The following PAX4 variants were observed in gnomAD, a reference collection of about 807,000 sequenced individuals.
PAX4 encodes paired box 4.
Under a neutral mutation model 40.6 loss-of-function variants are expected in PAX4, and 33 were observed. That is an observed-to-expected ratio of 0.81 (90% CI 0.62 to 1.09). The LOEUF is 1.09. Among genes scored for constraint, PAX4 ranks in the 50% least tolerant of loss-of-function variants. The probability of loss-of-function intolerance (pLI) is 0.00; values close to 1 mark genes in which losing one functional copy is unlikely to be tolerated. For missense variants in PAX4, 459 were observed against 442.5 expected (o/e 1.04, Z -0.33); for synonymous variants, 174 against 170.6 (o/e 1.02, Z -0.16).
Position 127,614,494 on chromosome 7 carries a change from GC to G in PAX4, c.423del (p.Leu142SerfsTer73). The G allele has an allele frequency of 1.3e-6, 2 of 1,595,694 alleles. No individual in the cohort carries two copies. The highest frequency in any genetic ancestry group is 8.5e-7 in the Non-Finnish European group (1 of 1,170,538). On this transcript the variant is annotated frameshift_variant, in exon 6 of 12. Transcript: ENST00000639438. LOFTEE classifies it high-confidence loss of function. ...LQEDQGLPCT[R>X]LRSPAVLAPA... ...CTCCAAGACCCACCTGGTGACCTGAGCCGTGTGCACGGTAGTCCCTGGTCCT... is the reference window on the plus strand; with the variant it reads ...CTCCAAGACCCACCTGGTGACCTGAGCGTGTGCACGGTAGTCCCTGGTCCT...
chr7:127,610,789 G>T lies in PAX4; in HGVS notation c.*275C>A. ...GGGGTGCTCATAGGGAAAACATGAT[G>T]GACAACAGAACTACTGCTAATAAAA... On this transcript the variant is annotated 3_prime_UTR_variant, in exon 12 of 12. Coordinates refer to ENST00000639438, the MANE Select transcript of PAX4 (RefSeq NM_001366110.1). 1 of 1,282,276 alleles carries T rather than the reference G, an allele frequency of 7.8e-7. No individual in the cohort carries two copies. Among genetic ancestry groups the T allele is most frequent in the Non-Finnish European group, 1.1e-6 (1 of 916,830 alleles). 79.4% of individuals were successfully genotyped at this position (1,282,276 alleles called of 1,614,324 possible).
In PAX4 at chr7:127,618,011, G is replaced by C. The variant is rs1410243274; in HGVS notation, c.-275C>G. On this transcript the variant is annotated 5_prime_UTR_variant, in exon 1 of 12. Coordinates refer to ENST00000639438, the MANE Select transcript of PAX4 (RefSeq NM_001366110.1). ...GCTTCAGTGGGAGGTCTCAGCTTCT[G>C]AGACCCCTGCAGGCTCCAGGGGTGG... 1 of 152,282 alleles carries C rather than the reference G, an allele frequency of 6.6e-6. No homozygotes were observed. Among genetic ancestry groups the C allele is most frequent in the Admixed American group, 6.5e-5 (1 of 15,270 alleles). 9.4% of individuals were successfully genotyped at this position (152,282 alleles called of 1,614,324 possible).
intron 3 of PAX4, 29 bp from the exon 4 acceptor site, chr7:127,615,560 C>A: frequency 6.2e-7 from 1 of 1,612,822 alleles, no homozygotes; most frequent in Non-Finnish European, 8.5e-7. Context: ...TATCCACACA[C>A]CACCTCTCCC....
At chr7:127,614,064 T>C (rs1338565683) in intron 6 of PAX4, among the ~76,000 whole-genome samples, 183 bp from the exon 7 acceptor site, 1 of 151,914 alleles carries the variant, frequency 6.6e-6, no homozygotes, top group Non-Finnish European at 1.5e-5. Context: ...GGGTGCTCAA[T>C]ACCATGGTGG....
rs749613623 is a variant in PAX4 at position 127,615,549 on chromosome 7, G to A, written c.14-18C>T. The A allele has an allele frequency of 9.9e-6, 16 of 1,613,272 alleles. No homozygotes were observed. The highest frequency in any genetic ancestry group is 1.4e-5 in the Non-Finnish European group (16 of 1,179,932). On this transcript the variant is annotated intron_variant, in intron 3 of 11. Coordinates refer to ENST00000639438, the MANE Select transcript of PAX4 (RefSeq NM_001366110.1). ...GCTGATCCCTGGGCGTGAGACAGAGGTATCCACACACCACCTCTCCCACTG... is the reference window on the plus strand; with the variant it reads ...GCTGATCCCTGGGCGTGAGACAGAGATATCCACACACCACCTCTCCCACTG...
Position 127,613,477 on chromosome 7 carries a change from G to T in PAX4, c.618C>A (p.Ala206=). Residue 206 remains alanine (A), a synonymous_variant, in exon 8 of 12, where the codon GCC becomes GCA. Transcript: ENST00000639438. Reference sequence around the variant, plus strand: ...TCACCGTGTCCTCAGGCAGAGAGGTGGCAGTAGCCAGCTTTCCACGGGCCA... The same window carrying T: ...TCACCGTGTCCTCAGGCAGAGAGGTTGCAGTAGCCAGCTTTCCACGGGCCA... The part of the protein sequence containing the change: ...DSVARGKLAT[A]TSLPEDTVRV... 6.2e-7 allele frequency: 1 copy of T among 1,614,170 alleles called. No individual in the cohort carries two copies. The highest frequency in any genetic ancestry group is 8.5e-7 in the Non-Finnish European group (1 of 1,180,006).
At position 127,613,518 on chromosome 7, in the gene PAX4, G is replaced by C. The variant is rs1463583983; in HGVS notation, c.577C>G (p.Gln193Glu). ...EALEKEFQRG[Q>E]YPDSVARGKL... ...CCACGGGCCACTGAATCAGGATACTGCCCACGCTGGAACTCTGCGGAGATC... is the reference window on the plus strand; with the variant it reads ...CCACGGGCCACTGAATCAGGATACTCCCCACGCTGGAACTCTGCGGAGATC... Residue 193 changes from glutamine (Q) to glutamate (E), a missense_variant, in exon 8 of 12, where the codon CAG becomes GAG. Transcript: ENST00000639438. 12 of 1,614,160 alleles carry C rather than the reference G, an allele frequency of 7.4e-6. No individual in the cohort carries two copies. The highest frequency in any genetic ancestry group is 1.7e-5 in the Admixed American group (1 of 60,030).
rs1032862672 is a variant in PAX4, at chr7:127,613,719, A to G, written c.562+37T>C. The stretch of plus-strand genomic sequence containing the variant: ...GGGCCACTGTCCCTGTGTCACACTG[A>G]GGACTCTCTGACCCTCCATCTGTCC... On this transcript the variant is annotated intron_variant, in intron 7 of 11. Transcript: ENST00000639438. 4.3e-6 allele frequency: 7 copies of G among 1,613,046 alleles called. No individual in the cohort carries two copies. In the African/African-American group the frequency reaches 5.3e-5, roughly 12 times the overall value.
At chr7:127,615,295 CCCAGAAGCCCTCAGAGCCTGCA>C in intron 4 of PAX4, 84 bp downstream of exon 4, 1 of 1,608,636 alleles carries the variant, frequency 6.2e-7, no homozygotes, top group Non-Finnish European at 8.5e-7. Context: ...TGACCCAAGT[CCCAGAAGCCCTCAGAGCCTGCA>C]ACAGCCCCAG....
At chr7:127,617,135 A>C (rs1305727782) in intron 2 of PAX4, 140 bp downstream of exon 2, 3 of 152,226 alleles carry the variant, frequency 2.0e-5, no homozygotes, top group Admixed American at 6.5e-5. Flanking sequence ...GTAAACAGAA[A>C]AGGGTAAAGT....
In PAX4 at chr7:127,612,046, G is replaced by A. The variant is rs2233581; in HGVS notation, c.716-46C>T. On this transcript the variant is annotated intron_variant, in intron 9 of 11. Coordinates refer to ENST00000639438, the MANE Select transcript of PAX4 (RefSeq NM_001366110.1). ...CACTCAGAAGGAGGAATTGGGGTTA[G>A]GGACGGGAGGAGTGTGGTGAGAGGC... 6,753 of 1,586,224 alleles carry A rather than the reference G, an allele frequency of 4.3e-3. 19 individuals are homozygous for A. The highest frequency in any genetic ancestry group is 7.8e-3 in the Admixed American group (462 of 59,458).
chr7:127,614,988 C>G lies in PAX4; in HGVS notation c.252G>C (p.Val84=), dbSNP rs746299567. 2.5e-6 allele frequency: 4 copies of G among 1,614,198 alleles called. No homozygotes were observed. The highest frequency in any genetic ancestry group is 3.4e-6 in the Non-Finnish European group (4 of 1,180,030). The change falls in exon 5 of 12, where the codon GTG becomes GTC. Residue 84 remains valine, a synonymous_variant. Transcript: ENST00000639438. ...GSKPRLATPP[V]VARIAQLKGE... is the part of the protein sequence containing the mutation. ...CCTTCAGCTGGGCAATTCGAGCCAC[C>G]ACAGGGGGTGTAGCCAGCCGTGGCT... is the stretch of plus-strand genomic sequence containing the variant.
chr7:127,614,900 T>G lies in PAX4; in HGVS notation c.340A>C (p.Thr114Pro). Residue 114 changes from threonine to proline, a missense_variant, in exon 5 of 12, where the codon ACC becomes CCC. Coordinates refer to ENST00000639438, the MANE Select transcript of PAX4 (RefSeq NM_001366110.1). The part of the protein sequence containing the change: ...QRQLCAEGLC[T>P]QDKTPSVSSI... ...CTTACACTGGGAGTCTTGTCCTGGG[T>G]GCAAAGCCCTTCAGCACAAAGCTGG... 4 of 1,614,006 alleles carry G rather than the reference T, an allele frequency of 2.5e-6. No individual in the cohort carries two copies. The highest frequency in any genetic ancestry group is 3.4e-6 in the Non-Finnish European group (4 of 1,179,982).
chr7:127,616,834 C>T (rs1382317729), intron 2 of PAX4, among the ~76,000 whole-genome samples: 3 of 152,230 alleles, frequency 2.0e-5, no homozygotes, highest in Non-Finnish European at 4.4e-5. Context: ...AGACTGTCCG[C>T]TGAGCAACAT....
At chr7:127,614,355 C>T in intron 6 of PAX4, 127 bp downstream of exon 6, 1 of 792,504 alleles carries the variant, frequency 1.3e-6, no homozygotes, top group East Asian at 2.7e-5. Context: ...GAATGAGACT[C>T]CCTGCCCAGT....
chr7:127,613,424 T>TG (rs1794668460), intron 8 of PAX4, 26 bp downstream of exon 8: 1 of 1,609,248 alleles, frequency 6.2e-7, no homozygotes, highest in South Asian at 1.1e-5. Context: ...CCTTGTGGTT[T>TG]GTACAGTGTT....
intron 3 of PAX4, 146 bp downstream of exon 3, chr7:127,615,770 G>A: frequency 1.3e-6 from 2 of 1,508,594 alleles, no homozygotes; most frequent in Non-Finnish European, 1.8e-6. Context: ...AAGGGAAGCA[G>A]GACAGGGCAG....
At chr7:127,611,279 G>A (rs1198032124) in intron 11 of PAX4, 73 bp from the exon 12 acceptor site, 5 of 1,411,042 alleles carry the variant, frequency 3.5e-6, no homozygotes, top group Non-Finnish European at 4.9e-6. Context: ...TGGGAGAGAG[G>A]CTGAGACATC....
rs772045949 is a variant in PAX4 at position 127,611,144 on chromosome 7, A to C, written c.976T>G (p.Ser326Ala). Reference protein sequence around the residue: ...SGLLCLPCPSSHCHLASLSGS... With the variant: ...SGLLCLPCPSAHCHLASLSGS... The stretch of plus-strand genomic sequence containing the variant: ...CTAAGACTGGCCAGGTGACAGTGGG[A>C]GGAAGGGCAAGGAAGGCAAAGCAGT... Residue 326 changes from serine (S) to alanine (A), a missense_variant, in exon 12 of 12, where the codon TCC (serine) becomes GCC (alanine). Transcript: ENST00000639438. 6 of 1,604,280 alleles carry C rather than the reference A, an allele frequency of 3.7e-6. No homozygotes were observed. In the Admixed American group the frequency reaches 1.0e-4, roughly 27 times the overall value.
Sources: allele counts gnomAD v4.1 joint callset (sites outside exome capture counted in the v4.1 genomes callset), GRCh38; gene constraint gnomAD v4.1.1; transcripts MANE v1.5; gene names NCBI Gene and HGNC (gene_info 2026-07-23, HGNC 2026-07-21).